NTAQ1: variants seen among roughly 807,000 people sequenced by gnomAD.
NTAQ1 encodes the protein protein N-terminal glutamine amidohydrolase.
In NTAQ1, 21 loss-of-function variants were observed where a neutral mutation model predicts 28.2. That is an observed-to-expected ratio of 0.74 (90% CI 0.53 to 1.07). The LOEUF is 1.07. Among genes scored for constraint, NTAQ1 ranks in the 50% least tolerant of loss-of-function variants. The pLI is 0.00. For missense variants in NTAQ1, 264 were observed against 256.6 expected (o/e 1.03, Z -0.20); for synonymous variants, 105 against 90.0 (o/e 1.17, Z -0.94).
intron 1 of NTAQ1, among the ~76,000 whole-genome samples, chr8:123,424,534 G>C (rs897617979): frequency 2.0e-5 from 3 of 151,960 alleles, no homozygotes; most frequent in Non-Finnish European, 4.4e-5. Flanking sequence ...GAGCTGCTGC[G>C]CCTGGCCATT....
At chr8:123,475,430 C>T in the NTAQ1 span, among the ~76,000 whole-genome samples, 16 of 152,074 alleles carry the variant, frequency 1.1e-4, no homozygotes, top group African/African-American at 2.9e-4. Context: ...ATTGCTTCTG[C>T]GTCCTCTCAG....
At chr8:123,417,395 C>T (rs1813365087) in intron 1 of NTAQ1, among the ~76,000 whole-genome samples, 1 of 152,140 alleles carries the variant, frequency 6.6e-6, no homozygotes, top group Admixed American at 6.5e-5. Flanking sequence ...AACTAAATCA[C>T]TGAGCATCAC....
At chr8:123,439,942 A>C (rs1486676052) in intron 5 of NTAQ1, among the ~76,000 whole-genome samples, 2 of 151,862 alleles carry the variant, frequency 1.3e-5, no homozygotes, top group Non-Finnish European at 2.9e-5. Context: ...TGACAGAGGG[A>C]GACTCTGTCT....
intron 2 of NTAQ1, among the ~76,000 whole-genome samples, chr8:123,428,537 C>T (rs977945687): frequency 4.1e-4 from 62 of 152,180 alleles, no homozygotes; most frequent in African/African-American, 1.2e-3. Flanking sequence ...TGATGGTCTA[C>T]GCAGATAAAG....
chr8:123,452,104 G>A (rs573358159), downstream of NTAQ1, among the ~76,000 whole-genome samples: 2 of 152,276 alleles, frequency 1.3e-5, no homozygotes, highest in East Asian at 1.9e-4. Context: ...TGTCACAAAC[G>A]CAGATATGGA....
intron 1 of NTAQ1, among the ~76,000 whole-genome samples, chr8:123,427,651 A>G (rs1046106202): frequency 1.3e-5 from 2 of 152,184 alleles, no homozygotes; most frequent in African/African-American, 2.4e-5. Flanking sequence ...CTCATAGAAT[A>G]TTGACATATT....
At chr8:123,440,401 C>T (rs185055695) in intron 5 of NTAQ1, among the ~76,000 whole-genome samples, 1 of 151,896 alleles carries the variant, frequency 6.6e-6, no homozygotes, top group African/African-American at 2.4e-5. Context: ...AGTGATCCAC[C>T]CCTCTTAGCT....
chr8:123,471,273 G>C (rs1035101440), downstream of NTAQ1, among the ~76,000 whole-genome samples: 2 of 151,880 alleles, frequency 1.3e-5, no homozygotes, highest in Non-Finnish European at 2.9e-5. Flanking sequence ...CAGGTTAAAG[G>C]CTCACTCTAC....
chr8:123,423,028 C>A (rs1813804977), intron 1 of NTAQ1, among the ~76,000 whole-genome samples: 2 of 152,144 alleles, frequency 1.3e-5, no homozygotes, highest in Admixed American at 6.5e-5. Context: ...GTACCAGTAC[C>A]ATGCTGTTTT....
At chr8:123,446,907 C>G (rs1305662672), downstream of NTAQ1, among the ~76,000 whole-genome samples, 1 of 152,130 alleles carries the variant, frequency 6.6e-6, no homozygotes, top group Non-Finnish European at 1.5e-5. Context: ...AAAGTAAGAA[C>G]AACAACAACA....
chr8:123,447,741 A>G (rs978293642), intron 6 of NTAQ1, among the ~76,000 whole-genome samples: 9 of 152,214 alleles, frequency 5.9e-5, no homozygotes, highest in South Asian at 2.1e-4. Flanking sequence ...TGTATTTTAT[A>G]TAATTTCATA....
At chr8:123,474,210 C>T (rs1447407359), downstream of NTAQ1, among the ~76,000 whole-genome samples, 6 of 152,132 alleles carry the variant, frequency 3.9e-5, no homozygotes, top group Non-Finnish European at 8.8e-5. Context: ...TTCCCATTAA[C>T]GGTTTTTTCT....
At chr8:123,433,077 G>A (rs1814495793) in intron 3 of NTAQ1, among the ~76,000 whole-genome samples, 1 of 152,146 alleles carries the variant, frequency 6.6e-6, no homozygotes, top group South Asian at 2.1e-4. Context: ...GCATCTGTAG[G>A]TGACATCCCC....
downstream of NTAQ1, among the ~76,000 whole-genome samples, chr8:123,445,507 T>C (rs1419369761): frequency 6.8e-6 from 1 of 147,614 alleles, no homozygotes; most frequent in Admixed American, 6.9e-5. Context: ...CCTTTATAAG[T>C]TGTTTTTTGC....
intron 1 of NTAQ1, among the ~76,000 whole-genome samples, chr8:123,427,375 C>T (rs1283166400): frequency 6.6e-6 from 1 of 151,158 alleles, no homozygotes; most frequent in Non-Finnish European, 1.5e-5. Flanking sequence ...GCCTCAGCCT[C>T]CCAAGTAGCC....
rs994806709 is a variant in NTAQ1, at chr8:123,441,693, T to G, written c.*278T>G. The G allele has an allele frequency of 1.8e-5, 7 of 399,752 alleles. No individual in the cohort carries two copies. Among genetic ancestry groups the G allele is most frequent in the African/African-American group, 1.2e-4 (6 of 49,992 alleles). 24.8% of individuals were successfully genotyped at this position (399,752 alleles called of 1,614,324 possible). A position where few individuals can be genotyped will look rare whatever the true frequency, so the allele number is the denominator to read the frequency against. ...GAGGACTTAAGCCAGTAATCGTTTT[T>G]GTTCAGATAGAGGTGTGGAGGTAGA... On this transcript the variant is annotated 3_prime_UTR_variant, in exon 6 of 6. Transcript: ENST00000287387.
chr8:123,429,617 C>A (rs1296355116), intron 2 of NTAQ1, among the ~76,000 whole-genome samples: 1 of 152,082 alleles, frequency 6.6e-6, no homozygotes, highest in Non-Finnish European at 1.5e-5. Context: ...ATAATCCCAG[C>A]ACTTTGGGAG....
At chr8:123,447,556 A>G (rs1012142798) in intron 6 of NTAQ1, among the ~76,000 whole-genome samples, 2 of 152,086 alleles carry the variant, frequency 1.3e-5, no homozygotes, top group Non-Finnish European at 2.9e-5. Context: ...ACTGATGCAG[A>G]GAGAGGTTTT....
chr8:123,444,078 T>C (rs113893723), downstream of NTAQ1, among the ~76,000 whole-genome samples: 502 of 151,984 alleles, frequency 3.3e-3, 3 homozygotes, highest in African/African-American at 0.012. Flanking sequence ...GAACCCAAAC[T>C]AAGACAATTT....
Sources: gnomAD v4.1 joint callset for allele counts (sites outside exome capture counted in the v4.1 genomes callset) on GRCh38, gnomAD v4.1.1 for gene constraint, MANE v1.5 for transcripts, NCBI Gene and HGNC (gene_info 2026-07-23, HGNC 2026-07-21) for gene names.